The following SETX variants were observed in gnomAD, a reference collection of about 807,000 sequenced individuals.
The protein encoded by SETX is helicase senataxin.
A neutral mutation model predicts 227.2 loss-of-function variants in SETX; 90 were observed. That is an observed-to-expected ratio of 0.40 (90% CI 0.33 to 0.47). The LOEUF is 0.47. Among genes scored for constraint, SETX ranks in the 20% least tolerant of loss-of-function variants. The pLI, the probability that SETX is intolerant of heterozygous loss-of-function variation, is 0.91. For missense variants in SETX, 3,052 were observed against 3,181.5 expected (o/e 0.96, Z 0.98); for synonymous variants, 1,210 against 1,113.2 (o/e 1.09, Z -1.73).
intron 1 of SETX, 24 bp from the exon 2 acceptor site, chr9:132,353,779 A>G (rs531562629): frequency 6.6e-6 from 1 of 152,340 alleles, no homozygotes; most frequent in Non-Finnish European, 1.5e-5. Flanking sequence ...ACAAAAAACG[A>G]AATTGGTAAG....
intron 11 of SETX, among the ~76,000 whole-genome samples, chr9:132,309,439 A>AATTC (rs1183439948): frequency 6.6e-6 from 1 of 152,156 alleles, no homozygotes; most frequent in East Asian, 1.9e-4. Flanking sequence ...CAAAACAAGA[A>AATTC]AGCTTCTAGA....
Position 132,349,407 on chromosome 9 carries a change from T to C in SETX, c.22A>G (p.Thr8Ala). The change falls in exon 3 of 26, where the codon ACG becomes GCG. Residue 8 changes from threonine (T) to alanine (A), a missense_variant. This residue lies in a region of SETX where 152 missense variants were observed against 156.2 expected (regional missense o/e 0.97). Coordinates refer to ENST00000224140, the MANE Select transcript of SETX (RefSeq NM_015046.7). MSTCCWC[T>A]PGGASTIDFL... Reference sequence around the variant, plus strand: ...TCAATGGTGGAAGCACCACCTGGCGTACACCAACAACATGTGCTCATTCTG... The same window carrying C: ...TCAATGGTGGAAGCACCACCTGGCGCACACCAACAACATGTGCTCATTCTG... The C allele has an allele frequency of 1.2e-6, 2 of 1,614,182 alleles. No individual in the cohort carries two copies. The highest frequency in any genetic ancestry group is 1.7e-6 in the Non-Finnish European group (2 of 1,180,030).
At chr9:132,341,421 G>A (rs538005926) in intron 5 of SETX, among the ~76,000 whole-genome samples, 1 of 152,144 alleles carries the variant, frequency 6.6e-6, no homozygotes, top group African/African-American at 2.4e-5. Flanking sequence ...AAGCTCATCC[G>A]ACAGGGAGGA....
intron 10 of SETX, among the ~76,000 whole-genome samples, chr9:132,317,255 C>T (rs1366302935): frequency 2.0e-5 from 3 of 151,972 alleles, no homozygotes; most frequent in Non-Finnish European, 4.4e-5. Flanking sequence ...AGGGACACTA[C>T]GTATTTTTTT....
chr9:132,327,694 G>T lies in SETX; in HGVS notation c.3904C>A (p.Arg1302=). The T allele has an allele frequency of 5.6e-6, 9 of 1,613,972 alleles. No individual in the cohort carries two copies. Among genetic ancestry groups the T allele is most frequent in the Non-Finnish European group, 7.6e-6 (9 of 1,179,974 alleles). ...AATTGAGCTACATAATCCAAAGACC[G>T]CTGGGACAACTCATATGCCTTACGA... ...GPRKAYELSQ[R]SLDYVAQLRD... Residue 1302 remains arginine (R), a synonymous_variant, in exon 10 of 26, where the codon CGG becomes AGG. Coordinates refer to ENST00000224140, the MANE Select transcript of SETX (RefSeq NM_015046.7).
rs368827043 is a variant in SETX, at chr9:132,275,063, G to T, written c.7100+193C>A. 6.6e-4 allele frequency: 396 copies of T among 596,030 alleles called. 2 individuals carry two copies. In the South Asian group the frequency reaches 7.9e-3, roughly 12 times the overall value. The allele number at this position is 596,030 out of a possible 1,614,324, so 36.9% of individuals were successfully genotyped here. On this transcript the variant is annotated intron_variant, in intron 23 of 25. Coordinates refer to ENST00000224140, the MANE Select transcript of SETX (RefSeq NM_015046.7). The stretch of plus-strand genomic sequence containing the variant: ...CAAGGAGAATGTTGACATTCCAACT[G>T]CCAGGAAGTAACCTGTCTACCCAGG...
chr9:132,336,321 A>C lies in SETX; in HGVS notation c.693T>G (p.Thr231=), dbSNP rs1385386607. The change falls in exon 6 of 26, where the codon ACT becomes ACG. Residue 231 remains threonine (T), a synonymous_variant. Coordinates refer to ENST00000224140, the MANE Select transcript of SETX (RefSeq NM_015046.7). The part of the protein sequence containing the change: ...LILLPSHMYD[T]TNYKSYWLGI... ...CTAACCAATAGCTTTTGTAGTTGGT[A>C]GTATCATACATGTGTGAGGGCAGAA... is the stretch of plus-strand genomic sequence containing the variant. The C allele has an allele frequency of 1.2e-6, 2 of 1,613,246 alleles. No individual in the cohort carries two copies. The highest frequency in any genetic ancestry group is 2.7e-5 in the African/African-American group (2 of 74,928).
chr9:132,305,088 G>A (rs1054429058), intron 11 of SETX, among the ~76,000 whole-genome samples: 4 of 151,972 alleles, frequency 2.6e-5, no homozygotes, highest in Non-Finnish European at 2.9e-5. Flanking sequence ...AGTGGCTCAC[G>A]CCTCACCTGT....
intron 18 of SETX, among the ~76,000 whole-genome samples, 180 bp downstream of exon 18, chr9:132,286,243 A>G (rs1002067746): frequency 3.3e-5 from 5 of 149,964 alleles, no homozygotes; most frequent in Admixed American, 3.3e-4. Flanking sequence ...TCCCAGCCAC[A>G]TGGGAGACTG....
intron 4 of SETX, among the ~76,000 whole-genome samples, chr9:132,343,974 A>C (rs185236995): frequency 1.3e-5 from 2 of 152,276 alleles, no homozygotes; most frequent in African/African-American, 4.8e-5. Context: ...AAAAAAGATG[A>C]GGGCACATGT....
chr9:132,306,883 TTATC>T (rs1239568504), intron 11 of SETX, among the ~76,000 whole-genome samples: 1 of 152,230 alleles, frequency 6.6e-6, no homozygotes, highest in Non-Finnish European at 1.5e-5. Flanking sequence ...GCCCAGCTCT[TTATC>T]TATTTTATTA....
chr9:132,275,996 G>A (rs915990125), intron 22 of SETX, among the ~76,000 whole-genome samples: 4 of 152,026 alleles, frequency 2.6e-5, no homozygotes, highest in African/African-American at 9.7e-5. Context: ...TGTCCTCTTT[G>A]TAGTCCTCAG....
intron 11 of SETX, among the ~76,000 whole-genome samples, chr9:132,304,443 G>C (rs1214085060): frequency 6.6e-6 from 1 of 151,710 alleles, no homozygotes; most frequent in African/African-American, 2.4e-5. Flanking sequence ...ACTTGTAATT[G>C]TGTAAACCAT....
chr9:132,300,869 T>C, intron 11 of SETX, 66 bp from the exon 12 acceptor site: 2 of 1,399,632 alleles, frequency 1.4e-6, no homozygotes, highest in Non-Finnish European at 1.9e-6. Context: ...AAGATTAACT[T>C]AAAAGAAATT....
chr9:132,292,928 C>T (rs543223088), intron 15 of SETX, among the ~76,000 whole-genome samples: 1 of 152,240 alleles, frequency 6.6e-6, no homozygotes, highest in South Asian at 2.1e-4. Context: ...TCAGCCACCG[C>T]ACCTGGCCCC....
At chr9:132,303,184 AT>A (rs955997032) in intron 11 of SETX, among the ~76,000 whole-genome samples, 29 of 147,374 alleles carry the variant, frequency 2.0e-4, no homozygotes, top group African/African-American at 2.0e-4. Context: ...TGCTCAGCTA[AT>A]TTTTTTTTTT....
At position 132,335,369 on chromosome 9, in the gene SETX, C is replaced by CAA; in HGVS notation, c.719-643_719-642insTT. On this transcript the variant is annotated intron_variant, in intron 6 of 25. Coordinates refer to ENST00000224140, the MANE Select transcript of SETX (RefSeq NM_015046.7). ...TCGCGCGACTGCACTCCAGCCTGGG[C>CAA]GACAGAGCAAGACTCCGTCTCAAAA... is the stretch of plus-strand genomic sequence containing the variant. Among the ~76,000 whole-genome samples the CAA allele has an allele frequency of 2.0e-5, 2 of 97,580 alleles. 1 individual carries two copies. Among genetic ancestry groups the CAA allele is most frequent in the African/African-American group, 8.2e-5 (2 of 24,350 alleles). 64.0% of individuals were successfully genotyped at this position (97,580 alleles called of 152,430 possible). A position where few individuals can be genotyped will look rare whatever the true frequency, so the allele number is the denominator to read the frequency against.
At chr9:132,342,037 C>T (rs777125191) in intron 5 of SETX, among the ~76,000 whole-genome samples, 5 of 152,082 alleles carry the variant, frequency 3.3e-5, no homozygotes, top group Admixed American at 6.6e-5. Context: ...CATTACCATG[C>T]TTTTTTTAAA....
intron 10 of SETX, among the ~76,000 whole-genome samples, chr9:132,321,649 T>TC (rs1193000122): frequency 3.6e-5 from 3 of 83,282 alleles, no homozygotes; most frequent in African/African-American, 1.4e-4. Context: ...AGAGCGATAC[T>TC]GTCTCAAAAA....
Sources: gnomAD v4.1 joint callset for allele counts (sites outside exome capture counted in the v4.1 genomes callset) on GRCh38, gnomAD v4.1.1 for gene constraint, gnomAD v4.1.1 regional missense constraint, MANE v1.5 for transcripts, NCBI Gene and HGNC (gene_info 2026-07-23, HGNC 2026-07-21) for gene names.